The following XPR1 variants were observed in gnomAD, a reference collection of about 807,000 sequenced individuals.
XPR1 encodes the protein xenotropic and polytropic retrovirus receptor 1.
A neutral mutation model predicts 87.5 loss-of-function variants in XPR1; 28 were observed. The ratio of observed to expected loss-of-function variants is 0.32; its 90% confidence interval spans 0.24 to 0.44. The LOEUF (loss-of-function observed/expected upper bound fraction) is 0.44, where lower values mean the gene tolerates loss of function less well. XPR1 is among the 20% of genes least tolerant of loss of function. The pLI, the probability that XPR1 is intolerant of heterozygous loss-of-function variation, is 1.00. For missense variants in XPR1, 559 were observed against 862.3 expected (o/e 0.65, Z 4.41); for synonymous variants, 300 against 306.1 (o/e 0.98, Z 0.21).
chr1:180,698,776 G>A (rs886241033), intron 2 of XPR1, among the ~76,000 whole-genome samples: 21 of 152,068 alleles, frequency 1.4e-4, no homozygotes, highest in Non-Finnish European at 1.5e-4. Flanking sequence ...TGGCTTTGTT[G>A]GGCATAGTAT....
chr1:180,662,972 T>C (rs1655829059), intron 1 of XPR1, among the ~76,000 whole-genome samples: 1 of 152,234 alleles, frequency 6.6e-6, no homozygotes, highest in Non-Finnish European at 1.5e-5. Context: ...TCTGCATGAT[T>C]CTTTCTCATT....
At chr1:180,665,719 G>A (rs1655934037) in intron 1 of XPR1, among the ~76,000 whole-genome samples, 1 of 152,116 alleles carries the variant, frequency 6.6e-6, no homozygotes, top group African/African-American at 2.4e-5. Context: ...CCACACAGCT[G>A]GCCACACTGC....
At chr1:180,714,849 A>T (rs1374915816) in intron 2 of XPR1, among the ~76,000 whole-genome samples, 1 of 151,964 alleles carries the variant, frequency 6.6e-6, no homozygotes, top group Non-Finnish European at 1.5e-5. Context: ...TGGCAATTTT[A>T]ATCAGTGTTT....
At chr1:180,833,848 A>T (rs567057606) in intron 9 of XPR1, among the ~76,000 whole-genome samples, 1 of 152,216 alleles carries the variant, frequency 6.6e-6, no homozygotes. Context: ...AACATTTGTC[A>T]TATGCTATCT....
At chr1:180,795,156 CTAAT>C (rs1209261982) in intron 3 of XPR1, among the ~76,000 whole-genome samples, 2 of 152,238 alleles carry the variant, frequency 1.3e-5, no homozygotes, top group East Asian at 3.9e-4. Flanking sequence ...TTCTAAGACA[CTAAT>C]TTGATTTTAG....
At chr1:180,719,155 A>ATCCC (rs1658095565) in intron 2 of XPR1, among the ~76,000 whole-genome samples, 1 of 152,358 alleles carries the variant, frequency 6.6e-6, no homozygotes, top group African/African-American at 2.4e-5. Context: ...TGGGATATAT[A>ATCCC]AATACCAAGG....
At chr1:180,699,368 C>G (rs1265061342) in intron 2 of XPR1, among the ~76,000 whole-genome samples, 1 of 108,628 alleles carries the variant, frequency 9.2e-6, no homozygotes, top group Non-Finnish European at 1.8e-5. Context: ...TCCCCCCTCC[C>G]CCGACCCCAC....
chr1:180,651,092 C>T (rs1025001485), intron 1 of XPR1, among the ~76,000 whole-genome samples: 1 of 151,428 alleles, frequency 6.6e-6, no homozygotes, highest in Non-Finnish European at 1.5e-5. Context: ...AGTAGCTGGA[C>T]ATTTGGAATC....
At chr1:180,798,861 G>A (rs112170108) in intron 3 of XPR1, among the ~76,000 whole-genome samples, 16,220 of 152,142 alleles carry the variant, frequency 0.11, 1,103 homozygotes, top group Admixed American at 0.17. Flanking sequence ...TGATCCACCT[G>A]CCTCAGCCTC....
intron 11 of XPR1, among the ~76,000 whole-genome samples, chr1:180,845,307 T>C (rs1213465432): frequency 2.6e-5 from 4 of 152,204 alleles, no homozygotes; most frequent in African/African-American, 9.6e-5. Flanking sequence ...TAAGTACCTT[T>C]CCACAACTTT....
chr1:180,712,251 A>T (rs1657825545), intron 2 of XPR1, among the ~76,000 whole-genome samples: 1 of 152,216 alleles, frequency 6.6e-6, no homozygotes, highest in South Asian at 2.1e-4. Flanking sequence ...GCACTGAAGT[A>T]CCATGATAGC....
intron 2 of XPR1, among the ~76,000 whole-genome samples, chr1:180,721,894 ATC>A (rs1343603684): frequency 2.0e-5 from 3 of 152,162 alleles, no homozygotes; most frequent in Non-Finnish European, 4.4e-5. Flanking sequence ...ATATGTGTTA[ATC>A]GACTGTTTAT....
intron 7 of XPR1, among the ~76,000 whole-genome samples, chr1:180,822,413 C>T (rs563017734): frequency 6.6e-6 from 1 of 152,334 alleles, no homozygotes; most frequent in Admixed American, 6.5e-5. Flanking sequence ...AGAGTCTTCC[C>T]TGACCGCCCT....
intron 11 of XPR1, among the ~76,000 whole-genome samples, chr1:180,840,991 A>G (rs1346562280): frequency 6.6e-6 from 1 of 152,186 alleles, no homozygotes; most frequent in East Asian, 1.9e-4. Context: ...TGCCCTTAAT[A>G]ATTTATAATC....
chr1:180,664,128 C>CTA (rs1160757394), intron 1 of XPR1, among the ~76,000 whole-genome samples: 4 of 152,174 alleles, frequency 2.6e-5, no homozygotes, highest in Non-Finnish European at 4.4e-5. Flanking sequence ...GTGCTCTTTC[C>CTA]TACTGTCGAT....
rs1654600849 is a variant in XPR1 at position 180,632,102 on chromosome 1, C to G, written c.-100C>G. 4 of 1,414,562 alleles carry G rather than the reference C, an allele frequency of 2.8e-6. No individual in the cohort carries two copies. Among genetic ancestry groups the G allele is most frequent in the East Asian group, 2.5e-5 (1 of 40,302 alleles). 87.6% of individuals were successfully genotyped at this position (1,414,562 alleles called of 1,614,324 possible). A position where few individuals can be genotyped will look rare whatever the true frequency, so the allele number is the denominator to read the frequency against. On this transcript the variant is annotated 5_prime_UTR_variant, in exon 1 of 15. Coordinates refer to ENST00000367590, the MANE Select transcript of XPR1 (RefSeq NM_004736.4). ...GCGGAGGAGGAGAGAAGCGCAGCGC[C>G]GCGCCGCGCCGGGGCCCATGTGGGG...
At chr1:180,744,208 G>T (rs542023792) in intron 2 of XPR1, among the ~76,000 whole-genome samples, 8 of 152,082 alleles carry the variant, frequency 5.3e-5, no homozygotes, top group Non-Finnish European at 1.0e-4. Flanking sequence ...CTGTTGATCT[G>T]TCTTCAGGTG....
At chr1:180,671,547 C>T (rs995302643) in intron 1 of XPR1, among the ~76,000 whole-genome samples, 20 of 151,922 alleles carry the variant, frequency 1.3e-4, no homozygotes, top group African/African-American at 4.8e-5. Context: ...TTTTTTGAGA[C>T]GGAGTCTCGT....
chr1:180,775,907 A>G (rs1648696648), intron 2 of XPR1, among the ~76,000 whole-genome samples: 1 of 152,150 alleles, frequency 6.6e-6, no homozygotes, highest in African/African-American at 2.4e-5. Flanking sequence ...AATTCCTGAA[A>G]TTGATTGGTC....
Sources: allele counts gnomAD v4.1 joint callset (sites outside exome capture counted in the v4.1 genomes callset), GRCh38; gene constraint gnomAD v4.1.1; transcripts MANE v1.5; gene names NCBI Gene and HGNC (gene_info 2026-07-23, HGNC 2026-07-21).